SUSD1: variants seen among roughly 807,000 people sequenced by gnomAD.
The protein encoded by SUSD1 is sushi domain-containing protein 1.
Under a neutral mutation model 86.9 loss-of-function variants are expected in SUSD1, and 65 were observed. That is an observed-to-expected ratio of 0.75 (90% CI 0.61 to 0.92). SUSD1 has a LOEUF of 0.92. Ranked by LOEUF, SUSD1 falls within the 40% of genes least tolerant of loss-of-function variation. SUSD1 has a pLI of 0.00. For synonymous variants in SUSD1, 346 were observed against 350.0 expected, an observed-to-expected ratio of 0.99 and a Z score of 0.13; for missense variants, 850 against 929.7, an observed-to-expected ratio of 0.91 and a Z score of 1.11.
At chr9:112,070,094 C>T (rs1262915623) in intron 12 of SUSD1, among the ~76,000 whole-genome samples, 1 of 152,188 alleles carries the variant, frequency 6.6e-6, no homozygotes, top group Non-Finnish European at 1.5e-5. Context: ...CAGCCTCCGC[C>T]TCCCGGGCTC....
At position 112,082,501 on chromosome 9, in the gene SUSD1, G is replaced by A. The variant is rs886924000; in HGVS notation, c.1475-2336C>T. ...TAAGAACGGAAGCAGAGGTTAAACTGATGAGCTTTAAATATGGCGGATGGA... is the reference window on the plus strand; with the variant it reads ...TAAGAACGGAAGCAGAGGTTAAACTAATGAGCTTTAAATATGGCGGATGGA... On this transcript the variant is annotated intron_variant, in intron 10 of 16. Coordinates refer to ENST00000374270, the MANE Select transcript of SUSD1 (RefSeq NM_022486.5). Among the ~76,000 whole-genome samples the A allele has an allele frequency of 5.9e-5, 9 of 152,244 alleles. No homozygotes were observed. The East Asian group carries it at 1.7e-3, about 29-fold the overall frequency.
chr9:112,063,913 T>A (rs1239900713), intron 12 of SUSD1, among the ~76,000 whole-genome samples: 1 of 152,308 alleles, frequency 6.6e-6, no homozygotes, highest in East Asian at 1.9e-4. Context: ...ACCCATGCAA[T>A]GTAGGAACTT....
chr9:112,083,621 A>G (rs1476188992), intron 10 of SUSD1, among the ~76,000 whole-genome samples: 1 of 152,246 alleles, frequency 6.6e-6, no homozygotes, highest in African/African-American at 2.4e-5. Flanking sequence ...ATTGTATATT[A>G]TAAGACAAAA....
intron 2 of SUSD1, among the ~76,000 whole-genome samples, chr9:112,154,759 G>T (rs148265731): frequency 6.6e-6 from 1 of 152,086 alleles, no homozygotes; most frequent in African/African-American, 2.4e-5. Flanking sequence ...TTGCAGAGGC[G>T]TCTAGAATTC....
intron 7 of SUSD1, 195 bp from the exon 8 acceptor site, chr9:112,112,035 A>C: frequency 1.9e-6 from 1 of 522,044 alleles, no homozygotes; most frequent in Non-Finnish European, 3.3e-6. Flanking sequence ...AGGAGACATA[A>C]ATGAGAAATC....
In SUSD1 at chr9:112,143,598, G is replaced by A. The variant is rs751292054; in HGVS notation, c.399C>T (p.Gly133=). Reference sequence around the variant, plus strand: ...CGCATCGCCCTCCATGCCTGCACAGGCCAGAAACTTCACACTCATCTATGT... The same window carrying A: ...CGCATCGCCCTCCATGCCTGCACAGACCAGAAACTTCACACTCATCTATGT... The part of the protein sequence containing the change: ...CTDIDECEVS[G]LCRHGGRCVN... Residue 133 remains glycine, a synonymous_variant, in exon 4 of 17, where the codon GGC becomes GGT. Coordinates refer to ENST00000374270, the MANE Select transcript of SUSD1 (RefSeq NM_022486.5). 1 of 1,613,218 alleles carries A rather than the reference G, an allele frequency of 6.2e-7. No homozygotes were observed. Among genetic ancestry groups the A allele is most frequent in the East Asian group, 2.2e-5 (1 of 44,838 alleles).
intron 10 of SUSD1, among the ~76,000 whole-genome samples, chr9:112,081,975 T>C (rs1301775765): frequency 1.3e-5 from 2 of 152,208 alleles, no homozygotes; most frequent in African/African-American, 2.4e-5. Context: ...CTTAGTTTAA[T>C]AGGGTTTATA....
At chr9:112,047,591 G>A (rs1828012128) in intron 15 of SUSD1, among the ~76,000 whole-genome samples, 1 of 152,172 alleles carries the variant, frequency 6.6e-6, no homozygotes, top group Non-Finnish European at 1.5e-5. Flanking sequence ...GTCAGGAGTT[G>A]GGACCTAGTG....
At chr9:112,057,080 G>C (rs764395869) in intron 14 of SUSD1, among the ~76,000 whole-genome samples, 1 of 152,118 alleles carries the variant, frequency 6.6e-6, no homozygotes, top group African/African-American at 2.4e-5. Context: ...GAGCCCTCAC[G>C]ATGGGATAAG....
chr9:112,101,615 G>T (rs1055726644), intron 9 of SUSD1, among the ~76,000 whole-genome samples: 1 of 151,918 alleles, frequency 6.6e-6, no homozygotes, highest in East Asian at 1.9e-4. Flanking sequence ...GGAGGCCGAG[G>T]AGGGCAGATC....
chr9:112,094,841 A>G (rs1198362414), intron 10 of SUSD1, among the ~76,000 whole-genome samples: 1 of 152,246 alleles, frequency 6.6e-6, no homozygotes, highest in Non-Finnish European at 1.5e-5. Flanking sequence ...AGTTAAAGAA[A>G]TGTGAACATG....
At chr9:112,062,814 T>C in intron 13 of SUSD1, 123 bp downstream of exon 13, 1 of 578,270 alleles carries the variant, frequency 1.7e-6, no homozygotes, top group Non-Finnish European at 3.0e-6. Context: ...AGGCCCCAAC[T>C]GCATTGTTCT....
intron 3 of SUSD1, among the ~76,000 whole-genome samples, chr9:112,148,399 G>A (rs10981281): frequency 0.043 from 6,581 of 152,018 alleles, 303 homozygotes; most frequent in East Asian, 0.23. Flanking sequence ...CCCAAAACTC[G>A]CACTCCTCAC....
rs532490631 is a variant in SUSD1 at position 112,111,769 on chromosome 9, G to C, written c.1056C>G (p.Asp352Glu). 6.2e-6 allele frequency: 10 copies of C among 1,614,160 alleles called. No individual in the cohort carries two copies. In the African/African-American group the frequency reaches 6.7e-5, roughly 11 times the overall value. ...VREETVNLTT[D>E]SRTPEVCLAL... ...CTAGGCACACTTCTGGGGTCCTGCT[G>C]TCTGTGGTCAAGTTGACTGTCTCCT... Residue 352 changes from aspartate (D) to glutamate (E), a missense_variant, in exon 8 of 17, where the codon GAC (aspartate) becomes GAG (glutamate). Coordinates refer to ENST00000374270, the MANE Select transcript of SUSD1 (RefSeq NM_022486.5).
At chr9:112,134,340 A>G (rs1832165146) in intron 5 of SUSD1, among the ~76,000 whole-genome samples, 1 of 152,248 alleles carries the variant, frequency 6.6e-6, no homozygotes, top group Non-Finnish European at 1.5e-5. Flanking sequence ...TGGATTGGAT[A>G]AAGAAAATGT....
chr9:112,100,213 G>A (rs1194942667), intron 9 of SUSD1, among the ~76,000 whole-genome samples: 1 of 152,092 alleles, frequency 6.6e-6, no homozygotes, highest in Admixed American at 6.5e-5. Context: ...TTTAGACGGA[G>A]TCTTGCTCTG....
chr9:112,080,263 T>G, intron 10 of SUSD1, 98 bp from the exon 11 acceptor site: 1 of 765,934 alleles, frequency 1.3e-6, no homozygotes, highest in Non-Finnish European at 2.2e-6. Context: ...TTAGCATGAG[T>G]TCAACAGTAT....
At chr9:112,162,949 C>T (rs961451462) in intron 1 of SUSD1, among the ~76,000 whole-genome samples, 9 of 152,300 alleles carry the variant, frequency 5.9e-5, no homozygotes, top group African/African-American at 2.2e-4. Flanking sequence ...TTTGAATGAA[C>T]ACTCCATTCA....
rs1827719450 is a variant in SUSD1, at chr9:112,041,179, G to C, written c.*313C>G. The C allele has an allele frequency of 1.9e-6, 1 of 516,856 alleles. No individual in the cohort carries two copies. The highest frequency in any genetic ancestry group is 3.5e-6 in the Non-Finnish European group (1 of 289,094). 32.0% of individuals were successfully genotyped at this position (516,856 alleles called of 1,614,324 possible). ...CAGGCATCACTCAGAGGAAGTCCCA[G>C]CCAAGATTCACAGATCTGTATGTAG... On this transcript the variant is annotated 3_prime_UTR_variant, in exon 17 of 17. Coordinates refer to ENST00000374270, the MANE Select transcript of SUSD1 (RefSeq NM_022486.5).
Sources: allele counts gnomAD v4.1 joint callset (sites outside exome capture counted in the v4.1 genomes callset), GRCh38; gene constraint gnomAD v4.1.1; transcripts MANE v1.5; gene names NCBI Gene and HGNC (gene_info 2026-07-23, HGNC 2026-07-21).